ERI3: variants seen among roughly 807,000 people sequenced by gnomAD.
The protein encoded by ERI3 is ERI1 exoribonuclease 3.
In ERI3, 18 loss-of-function variants were observed where a neutral mutation model predicts 44.4. The observed-to-expected ratio is 0.41, with a 90% CI of 0.28 to 0.60. ERI3 has a LOEUF of 0.60. Among genes scored for constraint, ERI3 ranks in the 20% least tolerant of loss-of-function variants. ERI3 has a pLI of 0.36. For missense variants in ERI3, 294 were observed against 435.5 expected, an observed-to-expected ratio of 0.68 and a Z score of 2.89; for synonymous variants, 183 against 164.8, an observed-to-expected ratio of 1.11 and a Z score of -0.84.
upstream of ERI3, chr1:44,355,274 AC>A (rs1646980063): frequency 8.8e-7 from 1 of 1,136,126 alleles, no homozygotes; most frequent in Non-Finnish European, 1.1e-6. Context: ...GCGCACTCTG[AC>A]CCCGACCGAC....
chr1:44,223,109 G>C (rs1012084396), intron 8 of ERI3, among the ~76,000 whole-genome samples: 1 of 152,226 alleles, frequency 6.6e-6, no homozygotes, highest in Non-Finnish European at 1.5e-5. Context: ...TGTGGGCACA[G>C]AGAGGTGACA....
At chr1:44,287,597 T>C (rs1350977927) in intron 6 of ERI3, among the ~76,000 whole-genome samples, 1 of 152,192 alleles carries the variant, frequency 6.6e-6, no homozygotes, top group Non-Finnish European at 1.5e-5. Flanking sequence ...GATGAAGGGG[T>C]ATCCAGATAG....
chr1:44,221,786 C>A lies in ERI3; in HGVS notation c.932-146G>T. On this transcript the variant is annotated intron_variant, in intron 8 of 8. Coordinates refer to ENST00000372257, the MANE Select transcript of ERI3 (RefSeq NM_024066.3). The surrounding 1 kb of genome is among the most constrained non-coding windows in gnomAD (Gnocchi z 5.9). ...GGGTGGTCCCATCCCCTGGTGGCAG[C>A]ATTCCTAGCTTCAGGTTGGTCTGGG... 1 of 654,566 alleles carries A rather than the reference C, an allele frequency of 1.5e-6. No homozygotes were observed. Among genetic ancestry groups the A allele is most frequent in the Non-Finnish European group, 2.7e-6 (1 of 366,388 alleles). 40.5% of individuals were successfully genotyped at this position (654,566 alleles called of 1,614,324 possible). A position where few individuals can be genotyped will look rare whatever the true frequency, so the allele number is the denominator to read the frequency against.
At chr1:44,354,135 A>G (rs1474581261) in intron 1 of ERI3, 1 of 985,370 alleles carries the variant, frequency 1.0e-6, no homozygotes, top group Non-Finnish European at 1.2e-6. Flanking sequence ...AAACTCATTT[A>G]GCCACTCACA....
intron 3 of ERI3, among the ~76,000 whole-genome samples, chr1:44,327,296 A>G (rs1412793854): frequency 6.6e-6 from 1 of 152,210 alleles, no homozygotes; most frequent in Non-Finnish European, 1.5e-5. Context: ...CAGTATGTTG[A>G]TAAGAGGGCC....
chr1:44,281,622 T>C (rs912840869), intron 7 of ERI3, among the ~76,000 whole-genome samples: 1 of 143,290 alleles, frequency 7.0e-6, no homozygotes, highest in Non-Finnish European at 1.5e-5. Flanking sequence ...ATATATATAA[T>C]ATATATATTC....
At chr1:44,259,384 G>A (rs1200719126) in intron 7 of ERI3, among the ~76,000 whole-genome samples, 31 of 152,100 alleles carry the variant, frequency 2.0e-4, no homozygotes, top group Admixed American at 2.0e-3. Flanking sequence ...CAGAGTCCCT[G>A]AGCACAGAAA....
chr1:44,332,705 G>A (rs759744367), intron 3 of ERI3, among the ~76,000 whole-genome samples: 1 of 152,208 alleles, frequency 6.6e-6, no homozygotes, highest in Non-Finnish European at 1.5e-5. Flanking sequence ...ATACAGCCAA[G>A]ACTCGGACAC....
At chr1:44,225,028 T>A (rs939690716) in intron 8 of ERI3, among the ~76,000 whole-genome samples, 4 of 152,160 alleles carry the variant, frequency 2.6e-5, no homozygotes, top group Non-Finnish European at 5.9e-5. Flanking sequence ...GGGCTTTTAA[T>A]AGGCCAAAAA....
At chr1:44,350,515 G>A (rs372705760) in intron 2 of ERI3, among the ~76,000 whole-genome samples, 1 of 152,090 alleles carries the variant, frequency 6.6e-6, no homozygotes, top group South Asian at 2.1e-4. Context: ...ACCCACCTCG[G>A]CCTCCCAAAG....
At chr1:44,287,441 A>C (rs920054977) in intron 6 of ERI3, among the ~76,000 whole-genome samples, 2 of 152,240 alleles carry the variant, frequency 1.3e-5, no homozygotes, top group Non-Finnish European at 2.9e-5. Context: ...CCTTTGTTTC[A>C]GGCAGTGTAT....
chr1:44,322,650 T>G, intron 3 of ERI3: 2 of 1,475,222 alleles, frequency 1.4e-6, no homozygotes, highest in Non-Finnish European at 1.8e-6. Flanking sequence ...CTACTGAGGA[T>G]GCAAAAGAGA....
At chr1:44,283,632 GA>G (rs1407571618) in intron 7 of ERI3, among the ~76,000 whole-genome samples, 1 of 152,186 alleles carries the variant, frequency 6.6e-6, no homozygotes, top group Non-Finnish European at 1.5e-5. Context: ...ATCAGCAGGA[GA>G]GGGGGTATGA....
intron 8 of ERI3, among the ~76,000 whole-genome samples, chr1:44,246,399 C>T (rs1350585939): frequency 6.6e-6 from 1 of 152,236 alleles, no homozygotes; most frequent in Non-Finnish European, 1.5e-5. Flanking sequence ...AGGCATATTA[C>T]ACTGCTGGGT....
chr1:44,348,570 A>G (rs1489081910), intron 2 of ERI3, among the ~76,000 whole-genome samples: 1 of 152,248 alleles, frequency 6.6e-6, no homozygotes, highest in Non-Finnish European at 1.5e-5. Flanking sequence ...AGGCTCCTCA[A>G]GGAATGTCCC....
At chr1:44,349,436 C>G (rs1436910492) in intron 2 of ERI3, among the ~76,000 whole-genome samples, 1 of 152,156 alleles carries the variant, frequency 6.6e-6, no homozygotes, top group Non-Finnish European at 1.5e-5. Flanking sequence ...GTTGGGATTA[C>G]AGGTGTGAGC....
chr1:44,347,912 T>TCTAAA (rs1342838309), intron 2 of ERI3, among the ~76,000 whole-genome samples: 3 of 151,944 alleles, frequency 2.0e-5, no homozygotes, highest in African/African-American at 7.3e-5. Context: ...TGTGTTTTAA[T>TCTAAA]CTAAACTGTG....
intron 6 of ERI3, among the ~76,000 whole-genome samples, chr1:44,304,682 G>A (rs781010646): frequency 4.6e-5 from 7 of 152,100 alleles, no homozygotes; most frequent in Non-Finnish European, 1.0e-4. Context: ...GGTCTTGACC[G>A]CTTGACAGCA....
intron 3 of ERI3, among the ~76,000 whole-genome samples, chr1:44,325,874 C>G (rs1646302849): frequency 6.6e-6 from 1 of 152,146 alleles, no homozygotes; most frequent in African/African-American, 2.4e-5. Context: ...GTCTCAAACT[C>G]CTGGCCTCAA....
Sources: gnomAD v4.1 joint callset for allele counts (sites outside exome capture counted in the v4.1 genomes callset) on GRCh38, gnomAD v4.1.1 for gene constraint, Gnocchi (gnomAD v3.1) non-coding constraint, MANE v1.5 for transcripts, NCBI Gene and HGNC (gene_info 2026-07-23, HGNC 2026-07-21) for gene names.